Variants in PLPPR1 observed in about 807,000 individuals in gnomAD.
The protein encoded by PLPPR1 is phospholipid phosphatase-related protein type 1.
In PLPPR1, 10 loss-of-function variants were observed where a neutral mutation model predicts 33.1. The observed-to-expected ratio is 0.30, with a 90% CI of 0.19 to 0.51. PLPPR1 has a LOEUF of 0.51. PLPPR1 is among the 20% of genes least tolerant of loss of function. The pLI is 0.97. For synonymous variants in PLPPR1, 151 were observed against 151.0 expected (o/e 1.00, Z 0.00); for missense variants, 304 against 408.1 (o/e 0.74, Z 2.20).
At chr9:101,065,841 C>A (rs1329842585) in intron 1 of PLPPR1, among the ~76,000 whole-genome samples, 3 of 152,120 alleles carry the variant, frequency 2.0e-5, no homozygotes, top group Middle Eastern at 3.4e-3. Context: ...TATTTCAAAG[C>A]AGTTTTATTT....
chr9:101,183,701 GTGTGTGTGT>G (rs1826157117), intron 1 of PLPPR1, among the ~76,000 whole-genome samples: 1 of 3,422 alleles, frequency 2.9e-4, no homozygotes, highest in Admixed American at 7.4e-3. Flanking sequence ...TTGTGTGTGT[GTGTGTGTGT>G]GTGTGTGTGT....
chr9:101,167,772 C>G (rs922127031), intron 1 of PLPPR1, among the ~76,000 whole-genome samples: 4 of 152,132 alleles, frequency 2.6e-5, no homozygotes, highest in Non-Finnish European at 4.4e-5. Context: ...CTGCTCATCT[C>G]AAAAATACAA....
chr9:101,089,894 C>G (rs2118529438), intron 1 of PLPPR1, among the ~76,000 whole-genome samples: 1 of 152,238 alleles, frequency 6.6e-6, no homozygotes, highest in African/African-American at 2.4e-5. Flanking sequence ...TTGTCCAGGG[C>G]TGCAGTAACA....
chr9:101,085,861 C>T (rs752498316), intron 1 of PLPPR1, among the ~76,000 whole-genome samples: 18 of 151,130 alleles, frequency 1.2e-4, no homozygotes, highest in South Asian at 2.1e-4. Flanking sequence ...GGAAATGGAC[C>T]GGGGGGGGCT....
At position 101,222,559 on chromosome 9, in the gene PLPPR1, T is replaced by A. The variant is rs181793523; in HGVS notation, c.63+37002T>A. Among the ~76,000 whole-genome samples the A allele has an allele frequency of 5.2e-3, 799 of 152,288 alleles. 12 individuals carry two copies. Among genetic ancestry groups the A allele is most frequent in the Middle Eastern group, 6.8e-3 (2 of 294 alleles). On this transcript the variant is annotated intron_variant, in intron 2 of 7. Coordinates refer to ENST00000374874, the MANE Select transcript of PLPPR1 (RefSeq NM_207299.2). ...CTAATATTTGAGTTCTATGTAAGAT[T>A]GTGTCTGTGAAGGACATTTTACACT...
At position 101,286,199 on chromosome 9, in the gene PLPPR1, C is replaced by T. The variant is rs199998121; in HGVS notation, c.348C>T (p.Tyr116=). The part of the protein sequence containing the change: ...EKTILTGECC[Y]LNPLLRRIIR... ...CAATTCTGACCGGAGAATGCTGTTA[C>T]CTGAACCCCTTACTTCGAAGGATCA... The change falls in exon 4 of 8, where the codon TAC becomes TAT. Residue 116 remains tyrosine (Y), a synonymous_variant. Transcript: ENST00000374874. 4.0e-5 allele frequency: 64 copies of T among 1,613,790 alleles called. No homozygotes were observed. The highest frequency in any genetic ancestry group is 1.3e-4 in the Admixed American group (8 of 60,010).
intron 2 of PLPPR1, among the ~76,000 whole-genome samples, chr9:101,206,999 G>A (rs1182866921): frequency 6.6e-6 from 1 of 151,920 alleles, no homozygotes; most frequent in African/African-American, 2.4e-5. Context: ...CCCTAGGTTT[G>A]GAATATAAAC....
intron 1 of PLPPR1, among the ~76,000 whole-genome samples, chr9:101,162,319 C>T (rs1464001635): frequency 6.6e-6 from 1 of 152,140 alleles, no homozygotes; most frequent in Non-Finnish European, 1.5e-5. Flanking sequence ...TATCTTCTGT[C>T]TTGCCTTTGT....
intron 4 of PLPPR1, among the ~76,000 whole-genome samples, chr9:101,291,953 C>T (rs183075536): frequency 0.02 from 3,035 of 152,242 alleles, 45 homozygotes; most frequent in Middle Eastern, 0.068. Context: ...ATGACTTTGA[C>T]GAGTTGAGAG....
At chr9:101,197,784 A>G (rs1436025097) in intron 2 of PLPPR1, among the ~76,000 whole-genome samples, 1 of 152,240 alleles carries the variant, frequency 6.6e-6, no homozygotes, top group Non-Finnish European at 1.5e-5. Flanking sequence ...TGATGTGTGT[A>G]GTATGAAATA....
chr9:101,248,718 T>C (rs1005038376), intron 2 of PLPPR1, among the ~76,000 whole-genome samples: 2 of 152,098 alleles, frequency 1.3e-5, no homozygotes, highest in South Asian at 2.1e-4. Context: ...TCTAAGCAGC[T>C]TAATACCTGT....
intron 2 of PLPPR1, among the ~76,000 whole-genome samples, chr9:101,186,314 C>T (rs571258785): frequency 1.3e-5 from 2 of 151,644 alleles, no homozygotes; most frequent in South Asian, 2.1e-4. Flanking sequence ...GAAAATAGGG[C>T]GTCTAGTGGA....
At chr9:101,190,705 G>A (rs1443782657) in intron 2 of PLPPR1, among the ~76,000 whole-genome samples, 1 of 152,120 alleles carries the variant, frequency 6.6e-6, no homozygotes, top group African/African-American at 2.4e-5. Context: ...CAATACAGCA[G>A]GCAACATAAA....
At chr9:101,205,879 A>G (rs1285390641) in intron 2 of PLPPR1, among the ~76,000 whole-genome samples, 2 of 152,200 alleles carry the variant, frequency 1.3e-5, no homozygotes, top group Non-Finnish European at 1.5e-5. Flanking sequence ...TTACTAAAGC[A>G]AAGAGGTGCT....
At chr9:101,110,232 A>G (rs1831039057) in intron 1 of PLPPR1, among the ~76,000 whole-genome samples, 1 of 152,228 alleles carries the variant, frequency 6.6e-6, no homozygotes, top group African/African-American at 2.4e-5. Context: ...TTTCAGATTG[A>G]GTGATAGATC....
chr9:101,313,684 G>A (rs1407377368), intron 6 of PLPPR1, among the ~76,000 whole-genome samples: 2 of 152,136 alleles, frequency 1.3e-5, no homozygotes, highest in Admixed American at 1.3e-4. Context: ...CTTAAATTGA[G>A]TTGGAGTTGA....
intron 1 of PLPPR1, among the ~76,000 whole-genome samples, chr9:101,174,937 A>T (rs1385001533): frequency 6.6e-6 from 1 of 152,182 alleles, no homozygotes; most frequent in Non-Finnish European, 1.5e-5. Flanking sequence ...CCAATTCTGT[A>T]ATTCTTATCC....
intron 1 of PLPPR1, among the ~76,000 whole-genome samples, chr9:101,068,847 T>A (rs1406629613): frequency 6.6e-6 from 1 of 152,124 alleles, no homozygotes; most frequent in Non-Finnish European, 1.5e-5. Flanking sequence ...GTGTAGTATA[T>A]CAACTTTGCT....
At chr9:101,204,167 A>AT (rs1826547293) in intron 2 of PLPPR1, among the ~76,000 whole-genome samples, 2 of 152,122 alleles carry the variant, frequency 1.3e-5, no homozygotes, top group African/African-American at 2.4e-5. Flanking sequence ...TAAATGCAAG[A>AT]TTTTTTGTTA....
Sources: allele counts gnomAD v4.1 joint callset (sites outside exome capture counted in the v4.1 genomes callset), GRCh38; gene constraint gnomAD v4.1.1; transcripts MANE v1.5; gene names NCBI Gene and HGNC (gene_info 2026-07-23, HGNC 2026-07-21).